ARFIP1: variants seen among roughly 807,000 people sequenced by gnomAD.
ARFIP1 encodes arfaptin-1.
ARFIP1 carries 24 observed loss-of-function variants against 42.5 expected under a neutral mutation model. The ratio of observed to expected loss-of-function variants is 0.57; its 90% confidence interval spans 0.41 to 0.80. ARFIP1 has a LOEUF of 0.80. Ranked by LOEUF, ARFIP1 falls within the 30% of genes least tolerant of loss-of-function variation. ARFIP1 has a pLI of 0.00. For missense variants in ARFIP1, 354 were observed against 434.0 expected, an observed-to-expected ratio of 0.82 and a Z score of 1.64; for synonymous variants, 141 against 153.7, an observed-to-expected ratio of 0.92 and a Z score of 0.61.
intron 1 of ARFIP1, among the ~76,000 whole-genome samples, chr4:152,789,704 G>T (rs73865242): frequency 0.052 from 7,919 of 152,176 alleles, 699 homozygotes; most frequent in African/African-American, 0.18. Context: ...ATACTTAAGG[G>T]TAAATCCAGT....
intron 7 of ARFIP1, among the ~76,000 whole-genome samples, chr4:152,887,447 T>C (rs1318005659): frequency 6.6e-6 from 1 of 152,038 alleles, no homozygotes; most frequent in East Asian, 1.9e-4. Flanking sequence ...ACTTGAAATG[T>C]GGCTAGTCTG....
At chr4:152,877,074 A>C (rs1735415039) in intron 5 of ARFIP1, among the ~76,000 whole-genome samples, 1 of 152,188 alleles carries the variant, frequency 6.6e-6, no homozygotes, top group Non-Finnish European at 1.5e-5. Flanking sequence ...TCGTGCGATC[A>C]GAGCCCCCCA....
chr4:152,783,832 C>T (rs62318850), intron 1 of ARFIP1, among the ~76,000 whole-genome samples: 4,082 of 151,870 alleles, frequency 0.027, 100 homozygotes, highest in South Asian at 0.11. Flanking sequence ...ATATAAGTCT[C>T]TGGTGTGTGT....
chr4:152,832,055 T>C (rs1303619881), intron 2 of ARFIP1, among the ~76,000 whole-genome samples: 1 of 152,200 alleles, frequency 6.6e-6, no homozygotes, highest in Admixed American at 6.5e-5. Context: ...CAGTTTATGA[T>C]TATTATGAAT....
At chr4:152,884,119 C>A (rs1465444383) in intron 7 of ARFIP1, among the ~76,000 whole-genome samples, 1 of 151,858 alleles carries the variant, frequency 6.6e-6, no homozygotes, top group Admixed American at 6.6e-5. Flanking sequence ...CTGTCCCATA[C>A]CATGTTTATT....
At chr4:152,855,107 C>T (rs759841726) in intron 2 of ARFIP1, among the ~76,000 whole-genome samples, 1 of 152,096 alleles carries the variant, frequency 6.6e-6, no homozygotes, top group South Asian at 2.1e-4. Flanking sequence ...ATGGGCTGGG[C>T]GGACCAGTCT....
intron 4 of ARFIP1, among the ~76,000 whole-genome samples, chr4:152,872,244 C>T (rs1418157484): frequency 3.9e-5 from 6 of 152,076 alleles, no homozygotes; most frequent in African/African-American, 1.4e-4. Context: ...AGTCACATGG[C>T]ATTTGTGTTT....
intron 8 of ARFIP1, among the ~76,000 whole-genome samples, chr4:152,904,770 A>T (rs541121094): frequency 2.6e-5 from 4 of 152,194 alleles, no homozygotes; most frequent in African/African-American, 9.6e-5. Context: ...GTGTATATGT[A>T]CATTTTCTTT....
At chr4:152,828,990 C>G (rs1479798516) in intron 1 of ARFIP1, among the ~76,000 whole-genome samples, 1 of 152,136 alleles carries the variant, frequency 6.6e-6, no homozygotes, top group Non-Finnish European at 1.5e-5. Context: ...GTCTTTTCAC[C>G]TTTGCATTGC....
At chr4:152,903,822 T>A (rs962777529) in intron 8 of ARFIP1, among the ~76,000 whole-genome samples, 1 of 152,122 alleles carries the variant, frequency 6.6e-6, no homozygotes, top group African/African-American at 2.4e-5. Flanking sequence ...AGGAGCTGTC[T>A]CTGTGTTTAG....
intron 2 of ARFIP1, among the ~76,000 whole-genome samples, chr4:152,851,653 A>G (rs1362974160): frequency 6.6e-6 from 1 of 152,206 alleles, no homozygotes; most frequent in Non-Finnish European, 1.5e-5. Context: ...GTCTAGTTTG[A>G]AGAATTGATT....
intron 1 of ARFIP1, among the ~76,000 whole-genome samples, chr4:152,815,938 G>A (rs1390623914): frequency 3.3e-5 from 5 of 151,710 alleles, no homozygotes; most frequent in African/African-American, 1.2e-4. Flanking sequence ...TAGAGACGGG[G>A]TTTCACCGTT....
intron 2 of ARFIP1, among the ~76,000 whole-genome samples, chr4:152,860,068 A>G (rs1015112476): frequency 1.3e-5 from 2 of 152,180 alleles, no homozygotes; most frequent in Non-Finnish European, 2.9e-5. Flanking sequence ...ATCTTTCATC[A>G]TTCCAACTTC....
chr4:152,904,535 G>A (rs1182500612), intron 8 of ARFIP1, among the ~76,000 whole-genome samples: 1 of 151,944 alleles, frequency 6.6e-6, no homozygotes, highest in Non-Finnish European at 1.5e-5. Context: ...TATTTATCCT[G>A]ATGCTCTCCC....
intron 2 of ARFIP1, among the ~76,000 whole-genome samples, chr4:152,862,863 A>C (rs1734002818): frequency 1.3e-5 from 2 of 152,134 alleles, no homozygotes; most frequent in Admixed American, 1.3e-4. Context: ...GTGATTTTAC[A>C]GTTTTACTTG....
At chr4:152,859,332 G>C (rs193191098) in intron 2 of ARFIP1, among the ~76,000 whole-genome samples, 1 of 152,278 alleles carries the variant, frequency 6.6e-6, no homozygotes, top group Non-Finnish European at 1.5e-5. Flanking sequence ...AAAGTGCTGG[G>C]ATTACAGGTG....
At chr4:152,908,574 C>T (rs1348202993) in intron 8 of ARFIP1, among the ~76,000 whole-genome samples, 1 of 151,972 alleles carries the variant, frequency 6.6e-6, no homozygotes, top group African/African-American at 2.4e-5. Flanking sequence ...GGCGCCACTG[C>T]ACTCCAGCCT....
chr4:152,827,605 C>G (rs1730940696), intron 1 of ARFIP1, among the ~76,000 whole-genome samples: 1 of 152,178 alleles, frequency 6.6e-6, no homozygotes, highest in Non-Finnish European at 1.5e-5. Flanking sequence ...TGTCTTTTTA[C>G]TGCCTCTATA....
intron 2 of ARFIP1, among the ~76,000 whole-genome samples, chr4:152,862,765 A>G (rs976441256): frequency 1.3e-5 from 2 of 152,174 alleles, no homozygotes; most frequent in African/African-American, 4.8e-5. Context: ...AGTTCTAGTC[A>G]TGTGGATAGG....
Sources: allele counts gnomAD v4.1 joint callset (sites outside exome capture counted in the v4.1 genomes callset), GRCh38; gene constraint gnomAD v4.1.1; transcripts MANE v1.5; gene names NCBI Gene and HGNC (gene_info 2026-07-23, HGNC 2026-07-21).